The following CGNL1 variants were observed in gnomAD, a reference collection of about 807,000 sequenced individuals.
CGNL1 encodes the protein cingulin like 1, also known as cingulin-like protein 1.
CGNL1 carries 132 observed loss-of-function variants against 141.2 expected under a neutral mutation model. The ratio of observed to expected loss-of-function variants is 0.93; its 90% CI spans 0.81 to 1.08. The LOEUF is 1.08. Among genes scored for constraint, CGNL1 ranks in the 50% least tolerant of loss-of-function variants. CGNL1 has a pLI of 0.00. For synonymous variants in CGNL1, 690 were observed against 622.1 expected, an observed-to-expected ratio of 1.11 and a Z score of -1.63; for missense variants, 1,870 against 1,588.6, an observed-to-expected ratio of 1.18 and a Z score of -3.01.
At chr15:57,492,360 C>A (rs1387486350) in intron 8 of CGNL1, among the ~76,000 whole-genome samples, 1 of 152,198 alleles carries the variant, frequency 6.6e-6, no homozygotes, top group Non-Finnish European at 1.5e-5. Flanking sequence ...CACTCCAATC[C>A]TACCTAATAA....
At chr15:57,455,136 A>G (rs577360689) in intron 7 of CGNL1, among the ~76,000 whole-genome samples, 25 of 152,312 alleles carry the variant, frequency 1.6e-4, no homozygotes, top group Admixed American at 1.0e-3. Context: ...TTTTAAGAAG[A>G]TAAACCACAA....
chr15:57,525,041 T>C (rs1394880470), intron 12 of CGNL1, among the ~76,000 whole-genome samples: 2 of 152,232 alleles, frequency 1.3e-5, no homozygotes, highest in Non-Finnish European at 2.9e-5. Flanking sequence ...GCAGCCATGA[T>C]GTGCCCAGCT....
chr15:57,544,784 A>T (rs1314573887), intron 16 of CGNL1, among the ~76,000 whole-genome samples, 187 bp downstream of exon 16: 1 of 152,224 alleles, frequency 6.6e-6, no homozygotes, highest in Non-Finnish European at 1.5e-5. Context: ...AAAATAAGTG[A>T]CTTGAGTAAG....
intron 4 of CGNL1, among the ~76,000 whole-genome samples, chr15:57,444,272 AG>A (rs757903418): frequency 2.6e-5 from 4 of 152,086 alleles, no homozygotes; most frequent in Non-Finnish European, 4.4e-5. Flanking sequence ...ATGTACTCGT[AG>A]TTTTTTTTGG....
At chr15:57,506,627 C>T (rs1421750936) in intron 8 of CGNL1, among the ~76,000 whole-genome samples, 1 of 152,118 alleles carries the variant, frequency 6.6e-6, no homozygotes, top group Non-Finnish European at 1.5e-5. Context: ...GGGAATTTTC[C>T]CTCAAGCTGC....
chr15:57,469,960 A>G (rs1022976449), intron 8 of CGNL1, among the ~76,000 whole-genome samples: 2 of 152,212 alleles, frequency 1.3e-5, no homozygotes, highest in Non-Finnish European at 2.9e-5. Flanking sequence ...CCCTTAAGAC[A>G]TGGCTAATTC....
intron 8 of CGNL1, among the ~76,000 whole-genome samples, chr15:57,496,210 A>G (rs1163310098): frequency 6.6e-6 from 1 of 152,218 alleles, no homozygotes; most frequent in Non-Finnish European, 1.5e-5. Context: ...GTAGGGCCTT[A>G]AAACCAAAAC....
At chr15:57,404,581 C>G (rs533872432) in intron 1 of CGNL1, among the ~76,000 whole-genome samples, 1 of 152,272 alleles carries the variant, frequency 6.6e-6, no homozygotes, top group Non-Finnish European at 1.5e-5. Flanking sequence ...AGTTATTCTG[C>G]AGCTACTTGG....
In CGNL1 at chr15:57,518,511, G is replaced by A. The variant is rs2031007913; in HGVS notation, c.2715+14G>A. On this transcript the variant is annotated intron_variant, in intron 10 of 18. Transcript: ENST00000281282. The stretch of plus-strand genomic sequence containing the variant: ...GAGGCTGCTCAGGTAAACACCAAGG[G>A]CTGTTGTCATTACTCCCTCAAGAAG... 2 of 1,567,516 alleles carry A rather than the reference G, an allele frequency of 1.3e-6. No individual in the cohort carries two copies. Among genetic ancestry groups the A allele is most frequent in the Non-Finnish European group, 1.7e-6 (2 of 1,143,408 alleles).
rs777197872 is a variant in CGNL1 at position 57,452,199 on chromosome 15, G to A, written c.1964G>A (p.Arg655Gln). The change falls in exon 6 of 19, where the codon CGA becomes CAA. Residue 655 changes from arginine (R) to glutamine (Q), a missense_variant. Physicochemically the swap from Arg to Gln is conservative, Grantham distance 43. Coordinates refer to ENST00000281282, the MANE Select transcript of CGNL1 (RefSeq NM_032866.5). ...ERMRANLEEL[R>Q]SQHNEKVEEN... is the part of the protein sequence containing the mutation. ...ATGAGAGCAAACCTAGAAGAGCTCCGAAGCCAACACAACGAAAAGGTGGAG... is the reference window on the plus strand; with the variant it reads ...ATGAGAGCAAACCTAGAAGAGCTCCAAAGCCAACACAACGAAAAGGTGGAG... The A allele has an allele frequency of 1.8e-5, 29 of 1,613,778 alleles. No individual in the cohort carries two copies. Among genetic ancestry groups the A allele is most frequent in the East Asian group, 2.2e-5 (1 of 44,864 alleles).
At chr15:57,455,168 AT>A (rs1250424813) in intron 7 of CGNL1, among the ~76,000 whole-genome samples, 6 of 151,912 alleles carry the variant, frequency 3.9e-5, no homozygotes, top group African/African-American at 1.2e-4. Context: ...ATTCTCCTAC[AT>A]TTTTTTTCCC....
chr15:57,452,146 A>C lies in CGNL1; in HGVS notation c.1911A>C (p.Gln637His). Residue 637 changes from glutamine (Q) to histidine (H), a missense_variant, in exon 6 of 19, where the codon CAA becomes CAC. Physicochemically the swap from Gln to His is conservative, Grantham distance 24. Coordinates refer to ENST00000281282, the MANE Select transcript of CGNL1 (RefSeq NM_032866.5). The part of the protein sequence containing the change: ...QRQLQLEVKN[Q>H]QNIKEERERM... The stretch of plus-strand genomic sequence containing the variant: ...ATCACACTGATTCCTGTTAGAATCA[A>C]CAGAACATTAAAGAAGAGAGAGAGA... 6.2e-7 allele frequency: 1 copy of C among 1,612,742 alleles called. No homozygotes were observed. The highest frequency in any genetic ancestry group is 1.3e-5 in the African/African-American group (1 of 74,898).
intron 8 of CGNL1, among the ~76,000 whole-genome samples, chr15:57,482,389 T>G (rs1175748706): frequency 1.3e-5 from 2 of 152,210 alleles, no homozygotes; most frequent in East Asian, 1.9e-4. Context: ...TTTTCTTCTG[T>G]GTTTTTGTTT....
intron 8 of CGNL1, among the ~76,000 whole-genome samples, chr15:57,489,836 A>G (rs560331870): frequency 1.3e-5 from 2 of 152,344 alleles, no homozygotes; most frequent in South Asian, 4.1e-4. Flanking sequence ...CTGAGATACT[A>G]CTAACTATTA....
chr15:57,409,127 G>C (rs934676179), intron 1 of CGNL1, among the ~76,000 whole-genome samples: 3 of 151,472 alleles, frequency 2.0e-5, no homozygotes, highest in African/African-American at 7.3e-5. Context: ...AGGACATTAG[G>C]AACTAACCAC....
chr15:57,467,288 C>A (rs895933374), intron 8 of CGNL1, among the ~76,000 whole-genome samples: 1 of 152,140 alleles, frequency 6.6e-6, no homozygotes, highest in African/African-American at 2.4e-5. Context: ...GACCCCATGG[C>A]TGTGCTTAGG....
At chr15:57,518,302 GGGTGTCTTC>G in intron 9 of CGNL1, 82 bp from the exon 10 acceptor site, 3 of 908,056 alleles carry the variant, frequency 3.3e-6, no homozygotes, top group Non-Finnish European at 5.3e-6. Context: ...CCATATCTAT[GGGTGTCTTC>G]GGTGTTCATT....
chr15:57,540,342 C>T (rs2032498134), intron 14 of CGNL1, among the ~76,000 whole-genome samples: 2 of 152,130 alleles, frequency 1.3e-5, no homozygotes, highest in African/African-American at 2.4e-5. Flanking sequence ...GAATGAGAAG[C>T]ACAGTCATGT....
intron 14 of CGNL1, 104 bp from the exon 15 acceptor site, chr15:57,543,592 C>A: frequency 1.0e-6 from 1 of 1,004,762 alleles, no homozygotes; most frequent in African/African-American, 1.6e-5. Context: ...GGGCAACCCC[C>A]TTCATAAAGT....
Sources: allele counts gnomAD v4.1 joint callset (sites outside exome capture counted in the v4.1 genomes callset), GRCh38; gene constraint gnomAD v4.1.1; transcripts MANE v1.5; gene names NCBI Gene and HGNC (gene_info 2026-07-23, HGNC 2026-07-21).